Variants in SUFU observed in about 807,000 individuals in gnomAD.
SUFU encodes the protein SUFU negative regulator of hedgehog signaling.
A neutral mutation model predicts 58.9 loss-of-function variants in SUFU; 7 were observed. That is an observed-to-expected ratio of 0.12 (90% CI 0.07 to 0.22). The LOEUF is 0.22. Ranked by LOEUF, SUFU falls within the 10% of genes least tolerant of loss-of-function variation. SUFU has a pLI of 1.00. For synonymous variants in SUFU, 232 were observed against 254.8 expected (o/e 0.91, Z 0.85); for missense variants, 451 against 641.3 (o/e 0.70, Z 3.20).
intron 8 of SUFU, among the ~76,000 whole-genome samples, chr10:102,610,105 G>A (rs559935786): frequency 1.0e-3 from 152 of 152,160 alleles, no homozygotes; most frequent in African/African-American, 3.5e-3. Context: ...GGCTGGGCGC[G>A]GTGACTCACA....
intron 8 of SUFU, among the ~76,000 whole-genome samples, chr10:102,603,568 C>G (rs1160259219): frequency 6.6e-6 from 1 of 152,304 alleles, no homozygotes; most frequent in South Asian, 2.1e-4. Flanking sequence ...AGCGAACTCA[C>G]CATCACTGCT....
In SUFU at chr10:102,568,894, AAAAAT is replaced by A. The variant is rs2063124308; in HGVS notation, c.454+18790_454+18794del. ...TGTCTCAAAAAAAAAAAAAAAAAAA[AAAAAT>A]ATATATATATATATATATATACACA... On this transcript the variant is annotated intron_variant, in intron 3 of 11. Coordinates refer to ENST00000369902, the MANE Select transcript of SUFU (RefSeq NM_016169.4). Among the ~76,000 whole-genome samples, 2 of 24,580 alleles carry A rather than the reference AAAAAT, an allele frequency of 8.1e-5. 1 individual carries two copies. Among genetic ancestry groups the A allele is most frequent in the East Asian group, 1.4e-3 (2 of 1,430 alleles). The allele number at this position is 24,580 out of a possible 152,430, so 16.1% of individuals were successfully genotyped here.
In SUFU at chr10:102,504,194, GC is replaced by G. The variant is rs2135597486; in HGVS notation, c.47del (p.Pro16ArgfsTer80). The G allele has an allele frequency of 7.4e-7, 1 of 1,343,428 alleles. No individual in the cohort carries two copies. The allele number at this position is 1,343,428 out of a possible 1,614,324, so 83.2% of individuals were successfully genotyped here. A position where few individuals can be genotyped will look rare whatever the true frequency, so the allele number is the denominator to read the frequency against. On this transcript the variant is annotated frameshift_variant, in exon 1 of 12. Coordinates refer to ENST00000369902, the MANE Select transcript of SUFU (RefSeq NM_016169.4). LOFTEE classifies it high-confidence loss of function. The part of the protein sequence containing the change: ...RPSGAPGPTA[P>X]PAPGPTAPPA... ...CTAGCGGCGCCCCCGGCCCCACCGC[GC>G]CCCCGGCCCCTGGCCCGACTGCCCC...
chr10:102,506,216 A>G (rs1166822333), intron 1 of SUFU, among the ~76,000 whole-genome samples: 1 of 152,176 alleles, frequency 6.6e-6, no homozygotes, highest in Non-Finnish European at 1.5e-5. Context: ...GCATGTGCAA[A>G]GGACTAAGGG....
intron 7 of SUFU, among the ~76,000 whole-genome samples, chr10:102,597,817 CCT>C (rs1314097353): frequency 6.6e-6 from 1 of 152,204 alleles, no homozygotes; most frequent in African/African-American, 2.4e-5. Flanking sequence ...GTGGGCAGGG[CCT>C]CTGGACCCAC....
intron 3 of SUFU, among the ~76,000 whole-genome samples, chr10:102,582,188 A>G (rs555574279): frequency 2.0e-5 from 3 of 152,302 alleles, no homozygotes; most frequent in Non-Finnish European, 4.4e-5. Flanking sequence ...TCCACAGACC[A>G]AGCATGTTAA....
At chr10:102,510,980 G>A (rs1291996252) in intron 2 of SUFU, among the ~76,000 whole-genome samples, 1 of 151,722 alleles carries the variant, frequency 6.6e-6, no homozygotes, top group Non-Finnish European at 1.5e-5. Context: ...AATTAGCCGG[G>A]CGTGGTGGCA....
intron 6 of SUFU, among the ~76,000 whole-genome samples, chr10:102,594,813 G>C (rs2063445044): frequency 6.6e-6 from 1 of 152,126 alleles, no homozygotes; most frequent in African/African-American, 2.4e-5. Flanking sequence ...CCGCCTCCCA[G>C]GGTCAAGCAG....
At position 102,629,833 on chromosome 10, in the gene SUFU, C is replaced by T. The variant is rs1015198122; in HGVS notation, c.1366-233C>T. ...TTAGTGGAGAAAGGAGGAGAAAACG[C>T]CCTCCTCCAACCTGCCTCATTATTG... is the stretch of plus-strand genomic sequence containing the variant. On this transcript the variant is annotated intron_variant, in intron 11 of 11. Coordinates refer to ENST00000369902, the MANE Select transcript of SUFU (RefSeq NM_016169.4). This position sits in a 1 kb window ranked among gnomAD's most constrained non-coding sequence, Gnocchi z 4.7. Among the ~76,000 whole-genome samples, 1 of 152,176 alleles carries T rather than the reference C, an allele frequency of 6.6e-6. No homozygotes were observed. Among genetic ancestry groups the T allele is most frequent in the African/African-American group, 2.4e-5 (1 of 41,446 alleles).
At chr10:102,630,009 C>T in intron 11 of SUFU, 57 bp from the exon 12 acceptor site, 1 of 1,521,386 alleles carries the variant, frequency 6.6e-7, no homozygotes. Context: ...TCTGGAAAGA[C>T]CACGGTGTAT....
chr10:102,626,758 G>A (rs147591692), intron 10 of SUFU, among the ~76,000 whole-genome samples: 95 of 152,292 alleles, frequency 6.2e-4, no homozygotes, highest in African/African-American at 2.2e-3. Flanking sequence ...TCCTTCTACG[G>A]TGAGGGGCAG....
At chr10:102,504,595 G>C (rs1046469918) in intron 1 of SUFU, among the ~76,000 whole-genome samples, 1 of 151,174 alleles carries the variant, frequency 6.6e-6, no homozygotes, top group East Asian at 1.9e-4. Flanking sequence ...AGGAGCAGAG[G>C]GGGGAACGGC....
chr10:102,615,486 C>G, intron 9 of SUFU, 84 bp downstream of exon 9: 1 of 1,603,414 alleles, frequency 6.2e-7, no homozygotes, highest in Non-Finnish European at 8.5e-7. Flanking sequence ...TCCCCAGCCC[C>G]CTCCCCCAGC....
intron 8 of SUFU, among the ~76,000 whole-genome samples, chr10:102,610,790 G>A (rs555987602): frequency 4.6e-5 from 7 of 152,266 alleles, no homozygotes; most frequent in Admixed American, 6.5e-5. Context: ...CCGAACTGCC[G>A]GAACACTAGC....
At chr10:102,593,052 C>A (rs1443392063) in intron 4 of SUFU, among the ~76,000 whole-genome samples, 1 of 152,158 alleles carries the variant, frequency 6.6e-6, no homozygotes, top group East Asian at 1.9e-4. Flanking sequence ...CTGGGTCGTC[C>A]TTGCTCTTTG....
intron 3 of SUFU, among the ~76,000 whole-genome samples, chr10:102,573,809 T>G (rs1223801610): frequency 3.3e-5 from 5 of 152,150 alleles, no homozygotes; most frequent in African/African-American, 1.2e-4. Context: ...GGCAAAATGT[T>G]GGTTTCCAGG....
At chr10:102,592,536 G>C in intron 3 of SUFU, 46 bp from the exon 4 acceptor site, 1 of 1,611,968 alleles carries the variant, frequency 6.2e-7, no homozygotes, top group Non-Finnish European at 8.5e-7. Flanking sequence ...TTCCAGGCCT[G>C]GATCTGGGGC....
intron 3 of SUFU, among the ~76,000 whole-genome samples, chr10:102,585,784 T>TG (rs1178992675): frequency 5.3e-5 from 8 of 151,876 alleles, no homozygotes; most frequent in East Asian, 1.9e-4. Flanking sequence ...CTCCCAACAC[T>TG]TTGGGAGGCC....
intron 8 of SUFU, among the ~76,000 whole-genome samples, chr10:102,610,229 C>G (rs1229403692): frequency 6.6e-6 from 1 of 151,542 alleles, no homozygotes; most frequent in Non-Finnish European, 1.5e-5. Context: ...CCCGTCTCTA[C>G]TAAAAATACA....
Sources: gnomAD v4.1 joint callset for allele counts (sites outside exome capture counted in the v4.1 genomes callset) on GRCh38, gnomAD v4.1.1 for gene constraint, Gnocchi (gnomAD v3.1) non-coding constraint, MANE v1.5 for transcripts, NCBI Gene and HGNC (gene_info 2026-07-23, HGNC 2026-07-21) for gene names.